The following ZDHHC24 variants were observed in gnomAD, a reference collection of about 807,000 sequenced individuals.
The protein encoded by ZDHHC24 is zDHHC palmitoyltransferase 24, also known as probable palmitoyltransferase ZDHHC24.
ZDHHC24 carries 17 observed loss-of-function variants against 23.2 expected under a neutral mutation model. The ratio of observed to expected loss-of-function variants is 0.73; its 90% CI spans 0.50 to 1.10. ZDHHC24 has a LOEUF of 1.10. ZDHHC24 is among the 50% of genes least tolerant of loss of function. ZDHHC24 has a pLI of 0.00. For synonymous variants in ZDHHC24, 186 were observed against 194.5 expected, an observed-to-expected ratio of 0.96 and a Z score of 0.36; for missense variants, 366 against 393.0, an observed-to-expected ratio of 0.93 and a Z score of 0.58.
chr11:66,543,881 C>G lies in ZDHHC24; in HGVS notation c.382G>C (p.Gly128Arg), dbSNP rs751079398. The G allele has an allele frequency of 5.0e-6, 8 of 1,613,962 alleles. No individual in the cohort carries two copies. Among genetic ancestry groups the G allele is most frequent in the East Asian group, 2.2e-5 (1 of 44,874 alleles). Residue 128 changes from glycine to arginine, a missense_variant, in exon 2 of 3, where the codon GGC (glycine) becomes CGC (arginine). Coordinates refer to ENST00000310442, the MANE Select transcript of ZDHHC24 (RefSeq NM_207340.3). ...TAGTTGCCGAAGCCCACGCAGCGGCCCAGCAGGCGGCAGTGGTGGTCCCGA... is the reference window on the plus strand; with the variant it reads ...TAGTTGCCGAAGCCCACGCAGCGGCGCAGCAGGCGGCAGTGGTGGTCCCGA... ...LRRDHHCRLL[G>R]RCVGFGNYRP...
chr11:66,531,665 C>G, downstream of ZDHHC24: 2 of 1,614,136 alleles, frequency 1.2e-6, no homozygotes, highest in Non-Finnish European at 1.7e-6. Context: ...GGTACCCTTG[C>G]TGGTGCCAGG....
chr11:66,541,708 C>T (rs112251543), intron 2 of ZDHHC24, among the ~76,000 whole-genome samples: 1 of 152,136 alleles, frequency 6.6e-6, no homozygotes, highest in Non-Finnish European at 1.5e-5. Context: ...AGGTCCCAGC[C>T]ATCGGTGATG....
chr11:66,531,437 G>C (rs540586826), downstream of ZDHHC24, among the ~76,000 whole-genome samples: 65 of 152,288 alleles, frequency 4.3e-4, no homozygotes, highest in African/African-American at 1.3e-3. Flanking sequence ...AACAGCCCCA[G>C]ACTTGGTGGG....
At chr11:66,531,566 C>G (rs1483337509), downstream of ZDHHC24, 43 of 1,547,066 alleles carry the variant, frequency 2.8e-5, no homozygotes, top group East Asian at 9.7e-4. Flanking sequence ...GGTGCTGAGG[C>G]TCAGTGGAGA....
At position 66,543,976 on chromosome 11, in the gene ZDHHC24, C is replaced by A; in HGVS notation, c.287G>T (p.Cys96Phe). The change falls in exon 2 of 3, where the codon TGC becomes TTC. Residue 96 changes from cysteine (C) to phenylalanine (F), a missense_variant. Coordinates refer to ENST00000310442, the MANE Select transcript of ZDHHC24 (RefSeq NM_207340.3). ...GRGLGQGWAY[C>F]YQCQSQVPPR... ...CGGCACCTGGCTTTGGCATTGGTAG[C>A]AGTAACTGCAGGAAGGAACCACAGC... is the stretch of plus-strand genomic sequence containing the variant. 8 of 1,613,224 alleles carry A rather than the reference C, an allele frequency of 5.0e-6. No individual in the cohort carries two copies. Among genetic ancestry groups the A allele is most frequent in the Non-Finnish European group, 6.8e-6 (8 of 1,179,462 alleles).
chr11:66,534,443 C>CA (rs1158925348), downstream of ZDHHC24, among the ~76,000 whole-genome samples: 233 of 26,788 alleles, frequency 8.7e-3, 20 homozygotes, highest in South Asian at 0.01. Context: ...AACTCTGTCT[C>CA]AAAAAAAAAA....
chr11:66,531,836 G>A, downstream of ZDHHC24: 1 of 1,607,334 alleles, frequency 6.2e-7, no homozygotes, highest in Admixed American at 1.7e-5. Flanking sequence ...GGGCTCCTGG[G>A]TGGGGGTGGG....
At chr11:66,529,696 C>A (rs1590779016) in intron 2 of ZDHHC24, 1 of 1,256,966 alleles carries the variant, frequency 8.0e-7, no homozygotes, top group Non-Finnish European at 1.1e-6. Context: ...CTCCTGCAGA[C>A]TCCTCCTGCA....
In ZDHHC24 at chr11:66,545,694, C is replaced by A; in HGVS notation, c.281+29G>T. 3 of 1,485,680 alleles carry A rather than the reference C, an allele frequency of 2.0e-6. No individual in the cohort carries two copies. The highest frequency in any genetic ancestry group is 2.7e-6 in the Non-Finnish European group (3 of 1,123,036). 92.0% of individuals were successfully genotyped at this position (1,485,680 alleles called of 1,614,324 possible). ...TCCCCCCTGTCCAAGGCTCCCACTT[C>A]TCCCCGCCCGATCCCGCACCCCACT... is the stretch of plus-strand genomic sequence containing the variant. On this transcript the variant is annotated intron_variant, in intron 1 of 2. Transcript: ENST00000310442. The surrounding 1 kb of genome is among the most constrained non-coding windows in gnomAD (Gnocchi z 4.5).
Position 66,543,810 on chromosome 11 carries a change from G to C in ZDHHC24, c.453C>G (p.Leu151=). The C allele has an allele frequency of 6.2e-7, 1 of 1,613,532 alleles. No individual in the cohort carries two copies. Among genetic ancestry groups the C allele is most frequent in the South Asian group, 1.1e-5 (1 of 91,064 alleles). Residue 151 remains leucine, a synonymous_variant, in exon 2 of 3, where the codon CTC becomes CTG. Transcript: ENST00000310442. ...CAGGGCCCAGCAGCACAGAGACGTG[G>C]AGCAGGACGCCGGCGGCATGAAGCA... The part of the protein sequence containing the change: ...CLLLHAAGVL[L]HVSVLLGPAL...
chr11:66,524,219 G>C lies in ZDHHC24; in HGVS notation c.*21+2717C>G, dbSNP rs1399518973. The C allele has an allele frequency of 1.9e-5, 7 of 370,592 alleles. No individual in the cohort carries two copies. The Admixed American group carries it at 2.2e-4, about 12-fold the overall frequency. The allele number at this position is 370,592 out of a possible 1,614,324, so 23.0% of individuals were successfully genotyped here. The stretch of plus-strand genomic sequence containing the variant: ...CGCTTGAGCCTGGGAGGCGGAGGTT[G>C]CAGTGAGCCAAGATCAAACCATGGC... On this transcript the variant is annotated intron_variant, in intron 4 of 4. Coordinates refer to the ZDHHC24 transcript ENST00000526986.
intron 2 of ZDHHC24, among the ~76,000 whole-genome samples, chr11:66,541,607 A>G (rs1857153391): frequency 6.9e-6 from 1 of 144,226 alleles, no homozygotes; most frequent in Admixed American, 6.9e-5. Flanking sequence ...TGAGGGGGGA[A>G]TGGCACCTAG....
chr11:66,526,970 G>A lies in ZDHHC24; in HGVS notation c.773C>T (p.Thr258Met), dbSNP rs1266533059. 7 of 1,551,674 alleles carry A rather than the reference G, an allele frequency of 4.5e-6. No homozygotes were observed. Among genetic ancestry groups the A allele is most frequent in the Non-Finnish European group, 6.1e-6 (7 of 1,154,644 alleles). Residue 258 changes from threonine (T) to methionine (M), a missense_variant, in exon 4 of 5, where the codon ACG becomes ATG. Thr to Met is a moderately conservative substitution (Grantham distance 81). Coordinates refer to the ZDHHC24 transcript ENST00000526986. ...TCCAGGGACAGCCTAGGAGGTACAC[G>A]TTGCCTGCAAATCACTGTTCCTCAG...
intron 4 of ZDHHC24, among the ~76,000 whole-genome samples, chr11:66,525,449 G>A (rs140908582): frequency 2.1e-3 from 324 of 151,592 alleles, no homozygotes; most frequent in Non-Finnish European, 3.6e-3. Flanking sequence ...GCCTATAATC[G>A]CATCTACTGG....
intron 3 of ZDHHC24, chr11:66,529,153 A>G (rs1006782462): frequency 1.8e-4 from 178 of 964,780 alleles, no homozygotes; most frequent in Non-Finnish European, 2.1e-4. Flanking sequence ...AGCCTGGGGG[A>G]CCGAGGTGCC....
intron 2 of ZDHHC24, among the ~76,000 whole-genome samples, chr11:66,543,456 G>A (rs945979605): frequency 6.6e-6 from 1 of 152,106 alleles, no homozygotes; most frequent in Non-Finnish European, 1.5e-5. Flanking sequence ...AGACTCCCAC[G>A]AGTCTTTCTC....
At chr11:66,544,129 A>G in intron 1 of ZDHHC24, 148 bp from the exon 2 acceptor site, 1 of 1,069,840 alleles carries the variant, frequency 9.3e-7, no homozygotes, top group Non-Finnish European at 1.3e-6. Flanking sequence ...AATGCAGGCT[A>G]AACAAGATGT....
intron 1 of ZDHHC24, among the ~76,000 whole-genome samples, chr11:66,544,352 G>A (rs756212988): frequency 3.9e-5 from 6 of 152,038 alleles, no homozygotes; most frequent in East Asian, 1.9e-4. Context: ...CACCTCGTAC[G>A]GTCTCACCCC....
At chr11:66,523,892 A>T in intron 4 of ZDHHC24, 5 of 1,612,212 alleles carry the variant, frequency 3.1e-6, no homozygotes, top group Non-Finnish European at 4.2e-6. Flanking sequence ...GGTGAGCCCC[A>T]TCTCCGGCAT....
Sources: gnomAD v4.1 joint callset for allele counts (sites outside exome capture counted in the v4.1 genomes callset) on GRCh38, gnomAD v4.1.1 for gene constraint, Gnocchi (gnomAD v3.1) non-coding constraint, MANE v1.5 for transcripts, NCBI Gene and HGNC (gene_info 2026-07-23, HGNC 2026-07-21) for gene names.